WRNIP1: variants seen among roughly 807,000 people sequenced by gnomAD.
The protein encoded by WRNIP1 is WRN helicase interacting protein 1.
A neutral mutation model predicts 56.1 loss-of-function variants in WRNIP1; 41 were observed. The ratio of observed to expected loss-of-function variants is 0.73; its 90% confidence interval spans 0.57 to 0.95. The LOEUF (loss-of-function observed/expected upper bound fraction) is 0.95, where lower values mean the gene tolerates loss of function less well. WRNIP1 is among the 40% of genes least tolerant of loss of function. WRNIP1 has a pLI of 0.00. For missense variants in WRNIP1, 1,170 were observed against 939.4 expected (o/e 1.25, Z -3.21); for synonymous variants, 547 against 398.1 (o/e 1.37, Z -4.45).
intron 1 of WRNIP1, among the ~76,000 whole-genome samples, chr6:2,766,759 C>T (rs1259095037): frequency 6.6e-6 from 1 of 151,880 alleles, no homozygotes; most frequent in Non-Finnish European, 1.5e-5. Flanking sequence ...GGTCTCCCCG[C>T]CCCCTCCCCA....
At chr6:2,772,089 G>T (rs898528553) in intron 3 of WRNIP1, among the ~76,000 whole-genome samples, 3 of 152,168 alleles carry the variant, frequency 2.0e-5, no homozygotes, top group African/African-American at 7.2e-5. Context: ...CTGCCGTGCA[G>T]GAATTTAAAG....
At position 2,783,412 on chromosome 6, in the gene WRNIP1, A is replaced by G; in HGVS notation, c.1493A>G (p.Glu498Gly). 6.3e-7 allele frequency: 1 copy of G among 1,595,380 alleles called. No individual in the cohort carries two copies. Among genetic ancestry groups the G allele is most frequent in the Non-Finnish European group, 8.6e-7 (1 of 1,168,258 alleles). The change falls in exon 5 of 7, where the codon GAG (glutamate) becomes GGG (glycine). Residue 498 changes from glutamate (E) to glycine (G), a missense_variant. Physicochemically the swap from Glu to Gly is moderately conservative, Grantham distance 98. Coordinates refer to ENST00000380773, the MANE Select transcript of WRNIP1 (RefSeq NM_020135.3). ...GTGCTCTTTGTGATGTCAGGTGAGGAGCATTACAACTGCATCTCCGCCCTG... is the reference window on the plus strand; with the variant it reads ...GTGCTCTTTGTGATGTCAGGTGAGGGGCATTACAACTGCATCTCCGCCCTG... ...SHILYDRAGE[E>G]HYNCISALHK...
intron 3 of WRNIP1, among the ~76,000 whole-genome samples, chr6:2,778,570 C>G (rs1329078988): frequency 6.6e-6 from 1 of 152,188 alleles, no homozygotes; most frequent in African/African-American, 2.4e-5. Context: ...TACCAGCAGT[C>G]TTCTCGTCGC....
chr6:2,771,885 T>C (rs188420205), intron 3 of WRNIP1, among the ~76,000 whole-genome samples: 16 of 152,356 alleles, frequency 1.1e-4, no homozygotes, highest in African/African-American at 3.4e-4. Context: ...TTCTTTGCTC[T>C]GTGTACTGGT....
At chr6:2,777,721 A>G (rs3799244) in intron 3 of WRNIP1, among the ~76,000 whole-genome samples, 21,103 of 152,178 alleles carry the variant, frequency 0.14, 1,831 homozygotes, top group East Asian at 0.32. Flanking sequence ...CTTCCAGAAG[A>G]CTTGCTAACT....
chr6:2,772,646 A>G (rs1200271976), intron 3 of WRNIP1, among the ~76,000 whole-genome samples: 1 of 152,226 alleles, frequency 6.6e-6, no homozygotes, highest in Non-Finnish European at 1.5e-5. Flanking sequence ...GCTTAAAACC[A>G]TTAATTGGTC....
chr6:2,782,573 C>G (rs1272214970), intron 4 of WRNIP1, among the ~76,000 whole-genome samples: 2 of 152,230 alleles, frequency 1.3e-5, no homozygotes, highest in African/African-American at 4.8e-5. Flanking sequence ...CACGGGAACA[C>G]CATCCTCCGC....
chr6:2,769,518 C>T (rs3757089), intron 2 of WRNIP1, among the ~76,000 whole-genome samples: 19,691 of 151,676 alleles, frequency 0.13, 1,616 homozygotes, highest in East Asian at 0.32. Flanking sequence ...TTTTTTGTAA[C>T]TTTTTAATCA....
Position 2,765,768 on chromosome 6 carries a change from A to G in WRNIP1, c.146A>G (p.Glu49Gly), listed in dbSNP as rs1221751233. Residue 49 changes from glutamate to glycine, a missense_variant, in exon 1 of 7, where the codon GAG (glutamate) becomes GGG (glycine). Physicochemically the swap from Glu to Gly is moderately conservative, Grantham distance 98. Transcript: ENST00000380773. ...CTGCTCCACCCGGCGGGGCACGCGG[A>G]GCCCGCGGCCGGGTCGCACCGCGCC... is the stretch of plus-strand genomic sequence containing the variant. Reference protein sequence around the residue: ...CLLLHPAGHAEPAAGSHRAGE... With the variant: ...CLLLHPAGHAGPAAGSHRAGE... The G allele has an allele frequency of 2.7e-6, 4 of 1,469,230 alleles. No individual in the cohort carries two copies. The allele number at this position is 1,469,230 out of a possible 1,614,324, so 91.0% of individuals were successfully genotyped here. A position where few individuals can be genotyped will look rare whatever the true frequency, so the allele number is the denominator to read the frequency against.
chr6:2,781,359 C>T (rs987720156), intron 4 of WRNIP1, among the ~76,000 whole-genome samples: 1 of 152,224 alleles, frequency 6.6e-6, no homozygotes, highest in African/African-American at 2.4e-5. Flanking sequence ...GTTTACACAC[C>T]CCACCCCAGT....
intron 3 of WRNIP1, among the ~76,000 whole-genome samples, chr6:2,772,637 C>G (rs1765329912): frequency 6.6e-6 from 1 of 152,158 alleles, no homozygotes; most frequent in Non-Finnish European, 1.5e-5. Flanking sequence ...GAATGTTAAG[C>G]TTAAAACCAT....
chr6:2,770,448 A>AG lies in WRNIP1; in HGVS notation c.1256+89dup, dbSNP rs1207526129. The AG allele has an allele frequency of 1.9e-6, 3 of 1,555,750 alleles. No homozygotes were observed. The East Asian group carries it at 6.8e-5, about 36-fold the overall frequency. ...GGCCAGAAAGGGCCGGGCGTCAGTG[A>AG]GGAGAGGGTGGGGACAGAGAAGAAA... On this transcript the variant is annotated intron_variant, in intron 3 of 6. Transcript: ENST00000380773.
chr6:2,784,180 A>C, intron 5 of WRNIP1, 144 bp from the exon 6 acceptor site: 1 of 634,716 alleles, frequency 1.6e-6, no homozygotes, highest in Non-Finnish European at 2.7e-6. Context: ...ATCAGAGACT[A>C]GAGCTAAGTC....
At chr6:2,780,089 AT>A (rs1258294718) in intron 4 of WRNIP1, among the ~76,000 whole-genome samples, 1 of 152,234 alleles carries the variant, frequency 6.6e-6, no homozygotes, top group East Asian at 1.9e-4. Flanking sequence ...TGACTTAGCA[AT>A]ATTAAATGTC....
intron 3 of WRNIP1, among the ~76,000 whole-genome samples, chr6:2,775,486 G>A (rs1765410970): frequency 1.3e-5 from 2 of 152,172 alleles, no homozygotes; most frequent in Non-Finnish European, 2.9e-5. Flanking sequence ...AGATTTGTGG[G>A]GTTTGGTTTG....
chr6:2,776,593 A>G (rs1481744932), intron 3 of WRNIP1, among the ~76,000 whole-genome samples: 1 of 152,200 alleles, frequency 6.6e-6, no homozygotes, highest in Admixed American at 6.5e-5. Flanking sequence ...TTCCAACCAC[A>G]TAAAATACAT....
rs1765704150 is a variant in WRNIP1 at position 2,786,078 on chromosome 6, T to G, written c.*796T>G. The G allele has an allele frequency of 6.7e-6, 1 of 150,288 alleles. No individual in the cohort carries two copies. The highest frequency in any genetic ancestry group is 1.5e-5 in the Non-Finnish European group (1 of 67,706). The allele number at this position is 150,288 out of a possible 1,614,324, so 9.3% of individuals were successfully genotyped here. A position where few individuals can be genotyped will look rare whatever the true frequency, so the allele number is the denominator to read the frequency against. On this transcript the variant is annotated 3_prime_UTR_variant, in exon 7 of 7. Transcript: ENST00000380773. Reference sequence around the variant, plus strand: ...TCCTGAACACAAAATACGCCACTCCTTCTGCTCAGTTAAGAGTTATTTGTC... The same window carrying G: ...TCCTGAACACAAAATACGCCACTCCGTCTGCTCAGTTAAGAGTTATTTGTC...
In WRNIP1 at chr6:2,777,140, C is replaced by G. The variant is rs573195708; in HGVS notation, c.1257-2123C>G. Among the ~76,000 whole-genome samples the G allele has an allele frequency of 3.3e-5, 5 of 152,222 alleles. No individual in the cohort carries two copies. The South Asian group carries it at 1.0e-3, about 32-fold the overall frequency. ...TCAAGTACATTTTTATCTCTCAGTGCTGGAAATATGGATTCTTTTTGTTTT... is the reference window on the plus strand; with the variant it reads ...TCAAGTACATTTTTATCTCTCAGTGGTGGAAATATGGATTCTTTTTGTTTT... On this transcript the variant is annotated intron_variant, in intron 3 of 6. Coordinates refer to ENST00000380773, the MANE Select transcript of WRNIP1 (RefSeq NM_020135.3).
rs376346468 is a variant in WRNIP1 at position 2,775,013 on chromosome 6, C to T, written c.1257-4250C>T. Among the ~76,000 whole-genome samples, 5 of 152,290 alleles carry T rather than the reference C, an allele frequency of 3.3e-5. No individual in the cohort carries two copies. The East Asian group carries it at 7.7e-4, about 23-fold the overall frequency. ...TCATTCAGTCCTCAATACAGCTCTG[C>T]AAAGTAGATCTCATTACCTCCTATT... is the stretch of plus-strand genomic sequence containing the variant. On this transcript the variant is annotated intron_variant, in intron 3 of 6. Coordinates refer to ENST00000380773, the MANE Select transcript of WRNIP1 (RefSeq NM_020135.3).
Sources: gnomAD v4.1 joint callset for allele counts (sites outside exome capture counted in the v4.1 genomes callset) on GRCh38, gnomAD v4.1.1 for gene constraint, MANE v1.5 for transcripts, NCBI Gene and HGNC (gene_info 2026-07-23, HGNC 2026-07-21) for gene names.